ADAMTSL1: variants seen among roughly 807,000 people sequenced by gnomAD.
The protein encoded by ADAMTSL1 is ADAMTS-like protein 1.
ADAMTSL1 carries 126 observed loss-of-function variants against 201.8 expected under a neutral mutation model. The observed-to-expected ratio is 0.62, with a 90% CI of 0.54 to 0.72. The LOEUF is 0.72. Among genes scored for constraint, ADAMTSL1 ranks in the 30% least tolerant of loss-of-function variants. The probability of loss-of-function intolerance (pLI) is 0.00; values close to 1 mark genes in which losing one functional copy is unlikely to be tolerated. For missense variants in ADAMTSL1, 2,679 were observed against 2,277.8 expected, an observed-to-expected ratio of 1.18 and a Z score of -3.59; for synonymous variants, 1,121 against 903.4, an observed-to-expected ratio of 1.24 and a Z score of -4.32.
intron 2 of ADAMTSL1, among the ~76,000 whole-genome samples, chr9:18,208,013 C>T (rs573658760): frequency 8.2e-4 from 125 of 152,264 alleles, no homozygotes; most frequent in Non-Finnish European, 5.6e-4. Context: ...AGTTTTACCA[C>T]TTGCTGTGTG....
At chr9:18,028,323 T>C (rs563072308) in intron 1 of ADAMTSL1, among the ~76,000 whole-genome samples, 5 of 152,126 alleles carry the variant, frequency 3.3e-5, no homozygotes, top group Non-Finnish European at 7.4e-5. Flanking sequence ...ACTCACTTAA[T>C]GTTCTCTTGT....
intron 2 of ADAMTSL1, among the ~76,000 whole-genome samples, chr9:18,186,200 G>C (rs1828726854): frequency 6.6e-6 from 1 of 152,108 alleles, no homozygotes; most frequent in South Asian, 2.1e-4. Context: ...ACCATAGGCT[G>C]GTTTTTCCTT....
At chr9:18,359,818 T>TCCCCCCCTCC (rs1187779796) in intron 2 of ADAMTSL1, among the ~76,000 whole-genome samples, 1 of 42,628 alleles carries the variant, frequency 2.3e-5, no homozygotes, top group Non-Finnish European at 4.4e-5. Flanking sequence ...ATGCCCCACC[T>TCCCCCCCTCC]CCCCACCCGC....
chr9:17,973,644 G>T (rs1818314998), intron 1 of ADAMTSL1, among the ~76,000 whole-genome samples: 1 of 111,992 alleles, frequency 8.9e-6, no homozygotes, highest in South Asian at 3.0e-4. Context: ...ACTTGGCAAT[G>T]TGGGCTCTTT....
At chr9:18,224,016 G>C (rs1197066909) in intron 2 of ADAMTSL1, among the ~76,000 whole-genome samples, 1 of 152,066 alleles carries the variant, frequency 6.6e-6, no homozygotes, top group East Asian at 1.9e-4. Flanking sequence ...ATAAGTAAAA[G>C]CATTCTTTTT....
At chr9:18,627,517 G>T (rs990922474) in intron 5 of ADAMTSL1, among the ~76,000 whole-genome samples, 4 of 152,182 alleles carry the variant, frequency 2.6e-5, no homozygotes. Context: ...AAAACAAGGT[G>T]TTTGCAGAAC....
At chr9:18,300,867 T>C (rs1341604518) in intron 2 of ADAMTSL1, among the ~76,000 whole-genome samples, 1 of 152,168 alleles carries the variant, frequency 6.6e-6, no homozygotes, top group African/African-American at 2.4e-5. Context: ...AAAAGTTATA[T>C]ATTATTTGAT....
intron 2 of ADAMTSL1, among the ~76,000 whole-genome samples, chr9:18,426,445 T>G (rs929330605): frequency 6.6e-6 from 1 of 152,210 alleles, no homozygotes; most frequent in Non-Finnish European, 1.5e-5. Context: ...GAGGTATAAA[T>G]ACTCAGTAAT....
At chr9:18,477,802 T>C (rs1821528790) in intron 1 of ADAMTSL1, among the ~76,000 whole-genome samples, 1 of 152,238 alleles carries the variant, frequency 6.6e-6, no homozygotes, top group East Asian at 1.9e-4. Context: ...CTCCTGTTTT[T>C]AGTGTTTCAG....
intron 2 of ADAMTSL1, among the ~76,000 whole-genome samples, chr9:18,176,595 CA>C (rs1828171082): frequency 6.6e-6 from 1 of 152,088 alleles, no homozygotes; most frequent in South Asian, 2.1e-4. Flanking sequence ...TTTCCAGGGT[CA>C]CAAAGATCTG....
intron 2 of ADAMTSL1, among the ~76,000 whole-genome samples, chr9:18,231,897 CAT>C (rs1255219905): frequency 3.9e-5 from 6 of 152,200 alleles, no homozygotes; most frequent in African/African-American, 1.4e-4. Context: ...CACCTTTACT[CAT>C]ATCATGACCA....
Position 17,940,551 on chromosome 9 carries a change from A to G in ADAMTSL1, c.87+33629A>G, listed in dbSNP as rs1827194356. ...ATAGCATCTACTTGTTGACCTGTTGAGTTGGAATTGGCTAGGAGGCATCCA... is the reference window on the plus strand; with the variant it reads ...ATAGCATCTACTTGTTGACCTGTTGGGTTGGAATTGGCTAGGAGGCATCCA... On this transcript the variant is annotated intron_variant, in intron 1 of 29. Transcript: ENST00000680146. Among the ~76,000 whole-genome samples the G allele has an allele frequency of 2.6e-5, 4 of 151,980 alleles. No homozygotes were observed. The South Asian group carries it at 6.2e-4, about 24-fold the overall frequency.
At chr9:18,143,647 G>T (rs565025731) in intron 1 of ADAMTSL1, among the ~76,000 whole-genome samples, 4 of 152,174 alleles carry the variant, frequency 2.6e-5, no homozygotes, top group Non-Finnish European at 5.9e-5. Context: ...TGCTCAAGAT[G>T]ATGGTTGCTG....
intron 1 of ADAMTSL1, among the ~76,000 whole-genome samples, chr9:18,092,800 A>G (rs1007533299): frequency 6.6e-6 from 1 of 152,230 alleles, no homozygotes; most frequent in Non-Finnish European, 1.5e-5. Context: ...GACATTTTTC[A>G]AACTGTTTCT....
chr9:18,668,096 TG>T (rs148118768), intron 9 of ADAMTSL1, among the ~76,000 whole-genome samples: 19,823 of 152,110 alleles, frequency 0.13, 1,542 homozygotes, highest in East Asian at 0.28. Flanking sequence ...TACTGTATAA[TG>T]AAATGTTTTC....
intron 1 of ADAMTSL1, among the ~76,000 whole-genome samples, chr9:17,946,306 A>C (rs1221626412): frequency 6.6e-6 from 1 of 151,960 alleles, no homozygotes; most frequent in East Asian, 1.9e-4. Context: ...GCTGACCTTA[A>C]TATTTTTGAA....
intron 1 of ADAMTSL1, among the ~76,000 whole-genome samples, chr9:18,104,768 A>C (rs1040620976): frequency 1.3e-5 from 2 of 152,296 alleles, no homozygotes; most frequent in African/African-American, 4.8e-5. Context: ...ATTTTAAAAG[A>C]GCTGAAATGT....
intron 2 of ADAMTSL1, among the ~76,000 whole-genome samples, chr9:18,358,482 T>A (rs1463647829): frequency 6.6e-6 from 1 of 152,188 alleles, no homozygotes; most frequent in Non-Finnish European, 1.5e-5. Flanking sequence ...ATGTTTCCAT[T>A]ATTCCAAAGA....
chr9:18,307,156 T>C (rs537921135), intron 2 of ADAMTSL1, among the ~76,000 whole-genome samples: 8 of 152,256 alleles, frequency 5.3e-5, no homozygotes, highest in Admixed American at 2.6e-4. Flanking sequence ...AGAGATTTTT[T>C]CACCACCAGG....
Sources: allele counts gnomAD v4.1 joint callset (sites outside exome capture counted in the v4.1 genomes callset), GRCh38; gene constraint gnomAD v4.1.1; transcripts MANE v1.5; gene names NCBI Gene and HGNC (gene_info 2026-07-23, HGNC 2026-07-21).